The following PTPRD variants were observed in gnomAD, a reference collection of about 807,000 sequenced individuals.
The protein encoded by PTPRD is receptor-type tyrosine-protein phosphatase delta.
A neutral mutation model predicts 214.5 loss-of-function variants in PTPRD; 34 were observed. The observed-to-expected ratio is 0.16, with a 90% confidence interval of 0.12 to 0.21. PTPRD has a LOEUF of 0.21. Ranked by LOEUF, PTPRD falls within the 10% of genes least tolerant of loss-of-function variation. The pLI is 1.00. For missense variants in PTPRD, 2,545 were observed against 2,398.7 expected (o/e 1.06, Z -1.27); for synonymous variants, 1,128 against 845.7 (o/e 1.33, Z -5.79).
intron 11 of PTPRD, among the ~76,000 whole-genome samples, chr9:8,776,971 T>C (rs1332323236): frequency 1.3e-5 from 2 of 148,804 alleles, no homozygotes; most frequent in Non-Finnish European, 3.0e-5. Flanking sequence ...TATATTCTAT[T>C]CATATATATA....
chr9:9,754,185 G>T (rs1019093746), intron 6 of PTPRD, among the ~76,000 whole-genome samples: 3 of 152,056 alleles, frequency 2.0e-5, no homozygotes, highest in Non-Finnish European at 2.9e-5. Context: ...TAATGACAAG[G>T]GAACTGGAGG....
intron 5 of PTPRD, among the ~76,000 whole-genome samples, chr9:9,811,743 C>G (rs1034735081): frequency 6.6e-6 from 1 of 152,040 alleles, no homozygotes; most frequent in Admixed American, 6.6e-5. Context: ...GCAGTGGAAC[C>G]TACTCCTGAT....
At chr9:9,314,626 T>G (rs1400698353) in intron 9 of PTPRD, among the ~76,000 whole-genome samples, 3 of 151,984 alleles carry the variant, frequency 2.0e-5, no homozygotes, top group African/African-American at 7.2e-5. Flanking sequence ...GTGTTTTGCT[T>G]ATGGTAGGAA....
intron 5 of PTPRD, among the ~76,000 whole-genome samples, chr9:9,802,157 G>A (rs570682511): frequency 4.6e-5 from 7 of 152,090 alleles, no homozygotes; most frequent in African/African-American, 1.4e-4. Context: ...TCTGGTCCAG[G>A]TGTGAGGTCC....
chr9:10,495,080 T>C (rs1005572209), intron 2 of PTPRD, among the ~76,000 whole-genome samples: 4 of 151,812 alleles, frequency 2.6e-5, no homozygotes, highest in Non-Finnish European at 2.9e-5. Context: ...TTTTATCACA[T>C]GATAAAATGT....
intron 11 of PTPRD, among the ~76,000 whole-genome samples, chr9:8,914,526 G>A (rs1363974312): frequency 6.6e-6 from 1 of 152,030 alleles, no homozygotes; most frequent in Non-Finnish European, 1.5e-5. Flanking sequence ...TAGAGTGATA[G>A]GGGTCGAGAT....
intron 9 of PTPRD, among the ~76,000 whole-genome samples, chr9:9,241,941 G>A (rs1013391969): frequency 2.0e-5 from 3 of 152,006 alleles, no homozygotes; most frequent in African/African-American, 4.8e-5. Context: ...TCCCAGCATC[G>A]ATGGTCTTTA....
intron 2 of PTPRD, among the ~76,000 whole-genome samples, chr9:10,526,036 T>G (rs1203966391): frequency 6.6e-6 from 1 of 152,112 alleles, no homozygotes; most frequent in Non-Finnish European, 1.5e-5. Context: ...ATTTACTCAG[T>G]AGACTTATCT....
At chr9:10,414,037 A>C (rs57407693) in intron 2 of PTPRD, among the ~76,000 whole-genome samples, 3,933 of 152,106 alleles carry the variant, frequency 0.026, 148 homozygotes, top group African/African-American at 0.089. Context: ...TTCTGCACAT[A>C]GAAATGGGCA....
chr9:9,396,237 G>A (rs1321826068), intron 9 of PTPRD, among the ~76,000 whole-genome samples: 1 of 151,950 alleles, frequency 6.6e-6, no homozygotes, highest in African/African-American at 2.4e-5. Flanking sequence ...CTTGATTGAA[G>A]TCCCTTGGGG....
chr9:10,152,098 G>A (rs987880465), intron 3 of PTPRD, among the ~76,000 whole-genome samples: 2 of 152,128 alleles, frequency 1.3e-5, no homozygotes, highest in African/African-American at 4.8e-5. Context: ...CTGTTCAACT[G>A]TGCAATAAAC....
Position 9,121,265 on chromosome 9 carries a change from A to C in PTPRD, c.-143+62039T>G, listed in dbSNP as rs75050570. The stretch of plus-strand genomic sequence containing the variant: ...ACAGCTGCTGTGGAAAACAGTGTGG[A>C]GATTCCTTGAAGAACTAAAAGTAGA... On this transcript the variant is annotated intron_variant, in intron 10 of 45. Transcript: ENST00000381196. 8.5e-4 allele frequency among the ~76,000 whole-genome samples: 130 copies of C among 152,324 alleles called. 3 individuals are homozygous for C. The East Asian group carries it at 0.021, about 24-fold the overall frequency.
chr9:10,463,383 C>A (rs1308009235), intron 2 of PTPRD, among the ~76,000 whole-genome samples: 3 of 151,858 alleles, frequency 2.0e-5, no homozygotes, highest in Non-Finnish European at 4.4e-5. Context: ...TAGAGAGAGA[C>A]AGAGGATGAA....
intron 4 of PTPRD, among the ~76,000 whole-genome samples, chr9:9,945,071 G>C (rs897065392): frequency 1.3e-5 from 2 of 152,128 alleles, no homozygotes; most frequent in African/African-American, 2.4e-5. Flanking sequence ...GATGTGGTAT[G>C]TTAAAAGAAA....
At chr9:9,724,574 A>T (rs996688769) in intron 7 of PTPRD, among the ~76,000 whole-genome samples, 16 of 152,180 alleles carry the variant, frequency 1.1e-4, no homozygotes, top group Non-Finnish European at 2.4e-4. Flanking sequence ...CTCAATATTA[A>T]CAGATCCTTA....
chr9:8,706,744 AAG>A (rs1366402185), intron 12 of PTPRD, among the ~76,000 whole-genome samples: 2 of 152,222 alleles, frequency 1.3e-5, no homozygotes, highest in African/African-American at 4.8e-5. Flanking sequence ...GCTAATTGCC[AAG>A]AGTCAGGGTT....
intron 2 of PTPRD, among the ~76,000 whole-genome samples, chr9:10,499,322 T>A (rs1038279536): frequency 1.3e-4 from 20 of 151,886 alleles, no homozygotes; most frequent in African/African-American, 3.9e-4. Flanking sequence ...GAACTTAATG[T>A]ATAATAAAAA....
chr9:8,576,205 C>A (rs2092337578), intron 14 of PTPRD, among the ~76,000 whole-genome samples: 1 of 152,038 alleles, frequency 6.6e-6, no homozygotes, highest in Non-Finnish European at 1.5e-5. Context: ...CATAGAATAC[C>A]TGCAGCAATT....
intron 5 of PTPRD, among the ~76,000 whole-genome samples, chr9:9,779,171 G>T (rs971435932): frequency 6.9e-6 from 1 of 145,216 alleles, no homozygotes; most frequent in Non-Finnish European, 1.5e-5. Flanking sequence ...AATGAAATTA[G>T]GGTCTCACCT....
Sources: allele counts gnomAD v4.1 joint callset (sites outside exome capture counted in the v4.1 genomes callset), GRCh38; gene constraint gnomAD v4.1.1; transcripts MANE v1.5; gene names NCBI Gene and HGNC (gene_info 2026-07-23, HGNC 2026-07-21).